Variants in BBS9 observed in about 807,000 individuals in gnomAD.
BBS9 encodes protein PTHB1.
Under a neutral mutation model 117.7 loss-of-function variants are expected in BBS9, and 89 were observed. That is an observed-to-expected ratio of 0.76 (90% CI 0.64 to 0.90). BBS9 has a LOEUF of 0.90. Ranked by LOEUF, BBS9 falls within the 40% of genes least tolerant of loss-of-function variation. The pLI, the probability that BBS9 is intolerant of heterozygous loss-of-function variation, is 0.00. For synonymous variants in BBS9, 379 were observed against 370.9 expected (o/e 1.02, Z -0.25); for missense variants, 982 against 1,042.2 (o/e 0.94, Z 0.80).
At chr7:33,195,308 T>C (rs1784766924) in intron 5 of BBS9, among the ~76,000 whole-genome samples, 1 of 152,138 alleles carries the variant, frequency 6.6e-6, no homozygotes, top group Non-Finnish European at 1.5e-5. Context: ...TTTGGGGTTA[T>C]TTTTTTAGAA....
chr7:33,264,266 AT>A lies in BBS9; in HGVS notation c.618-18del, dbSNP rs751321641. The stretch of plus-strand genomic sequence containing the variant: ...ATTTTTAATTATAAACTCATTTATA[AT>A]TTTTTAAATTTCTTTCATACAGGTA... On this transcript the variant is annotated intron_variant, in intron 6 of 22. Transcript: ENST00000242067. 6.9e-6 allele frequency: 9 copies of A among 1,301,956 alleles called. No homozygotes were observed. In the African/African-American group the frequency reaches 1.1e-4, roughly 15 times the overall value. 80.7% of individuals were successfully genotyped at this position (1,301,956 alleles called of 1,614,324 possible).
At position 33,533,673 on chromosome 7, in the gene BBS9, A is replaced by G. The variant is rs543999945; in HGVS notation, c.2299-281A>G. 2.2e-4 allele frequency: 105 copies of G among 484,978 alleles called. 1 individual carries two copies. Among genetic ancestry groups the G allele is most frequent in the Non-Finnish European group, 3.5e-4 (93 of 265,736 alleles). 30.0% of individuals were successfully genotyped at this position (484,978 alleles called of 1,614,324 possible). A position where few individuals can be genotyped will look rare whatever the true frequency, so the allele number is the denominator to read the frequency against. On this transcript the variant is annotated intron_variant, in intron 20 of 22. Transcript: ENST00000242067. Reference sequence around the variant, plus strand: ...ATTACTCTATGCCTGGCTCAGAGCTAAACCCTTCTCATAGATCTCCAACCC... The same window carrying G: ...ATTACTCTATGCCTGGCTCAGAGCTGAACCCTTCTCATAGATCTCCAACCC...
At chr7:33,420,556 G>T (rs933740874) in intron 19 of BBS9, among the ~76,000 whole-genome samples, 2 of 152,092 alleles carry the variant, frequency 1.3e-5, no homozygotes, top group African/African-American at 4.8e-5. Context: ...AGGTGCTTTG[G>T]TTCTGTGGCC....
At chr7:33,495,861 CTA>C (rs1330604748) in intron 19 of BBS9, among the ~76,000 whole-genome samples, 1 of 152,094 alleles carries the variant, frequency 6.6e-6, no homozygotes, top group African/African-American at 2.4e-5. Context: ...AAATTTGTCT[CTA>C]TGTCACTAAT....
intron 5 of BBS9, among the ~76,000 whole-genome samples, chr7:33,225,617 C>T (rs1377301323): frequency 2.6e-5 from 4 of 151,718 alleles, no homozygotes; most frequent in African/African-American, 9.7e-5. Context: ...TTTCTTGCTT[C>T]GTATTATGAG....
chr7:33,543,605 GGT>G (rs1181036173), intron 21 of BBS9, among the ~76,000 whole-genome samples: 1 of 152,118 alleles, frequency 6.6e-6, no homozygotes, highest in African/African-American at 2.4e-5. Flanking sequence ...TAGGTTACCT[GGT>G]GTTTCTGTCT....
chr7:33,415,063 A>G (rs1831766448), intron 19 of BBS9, among the ~76,000 whole-genome samples: 3 of 152,182 alleles, frequency 2.0e-5, no homozygotes, highest in Non-Finnish European at 2.9e-5. Flanking sequence ...TAGAGGCTCT[A>G]CTGAATTCCT....
rs1034103576 is a variant in BBS9, at chr7:33,623,764, C to T, written c.2522-11413C>T. On this transcript the variant is annotated intron_variant, in intron 21 of 21. Coordinates refer to the BBS9 transcript ENST00000671952. ...AGCAAATTATAGAATGTATATATTA[C>T]GATTCTGTTTATGAAAGTCTGAAAT... Among the ~76,000 whole-genome samples the T allele has an allele frequency of 9.2e-5, 14 of 152,156 alleles. No individual in the cohort carries two copies. In the East Asian group the frequency reaches 1.7e-3, roughly 19 times the overall value.
At chr7:33,204,854 T>A (rs1003251855) in intron 5 of BBS9, among the ~76,000 whole-genome samples, 2 of 152,214 alleles carry the variant, frequency 1.3e-5, no homozygotes, top group Non-Finnish European at 2.9e-5. Context: ...AGGCTGACAT[T>A]GATAATCATA....
At chr7:33,377,439 G>C (rs1010375607) in intron 17 of BBS9, among the ~76,000 whole-genome samples, 1 of 152,192 alleles carries the variant, frequency 6.6e-6, no homozygotes, top group Non-Finnish European at 1.5e-5. Context: ...AGTATAGTCT[G>C]AAGTAGGGCA....
Position 33,336,539 on chromosome 7 carries a change from A to T in BBS9, c.1115A>T (p.Gln372Leu). 1.9e-6 allele frequency: 3 copies of T among 1,613,504 alleles called. No individual in the cohort carries two copies. Among genetic ancestry groups the T allele is most frequent in the Non-Finnish European group, 2.5e-6 (3 of 1,179,612 alleles). The change falls in exon 10 of 23, where the codon CAA (glutamine) becomes CTA (leucine). Residue 372 changes from glutamine (Q) to leucine (L), a missense_variant. Physicochemically the swap from Gln to Leu is moderately radical, Grantham distance 113. Coordinates refer to ENST00000242067, the MANE Select transcript of BBS9 (RefSeq NM_198428.3). ...DPSLFQAPNV[Q>L]SRELNYDELD... ...TCTCTGTTCCAAGCTCCAAACGTTCAATCTCGAGAACTAAACTATGATGAA... is the reference window on the plus strand; with the variant it reads ...TCTCTGTTCCAAGCTCCAAACGTTCTATCTCGAGAACTAAACTATGATGAA...
At chr7:33,489,093 A>G (rs1443546638) in intron 19 of BBS9, among the ~76,000 whole-genome samples, 3 of 150,354 alleles carry the variant, frequency 2.0e-5, no homozygotes, top group African/African-American at 4.9e-5. Context: ...CCTGGATTCA[A>G]GCAATTCTCC....
chr7:33,226,763 T>C (rs1392704419), intron 5 of BBS9, among the ~76,000 whole-genome samples: 2 of 152,188 alleles, frequency 1.3e-5, no homozygotes, highest in Admixed American at 6.5e-5. Flanking sequence ...GGAGATATTA[T>C]GTTAAGTGAA....
At chr7:33,605,133 T>G in intron 22 of BBS9, 62 bp from the exon 23 acceptor site, 6 of 1,535,580 alleles carry the variant, frequency 3.9e-6, no homozygotes, top group Non-Finnish European at 5.4e-6. Flanking sequence ...TGATCCTTTG[T>G]GTATTCCTGT....
chr7:33,615,278 T>C (rs1023249010), intron 21 of BBS9, among the ~76,000 whole-genome samples: 3 of 152,030 alleles, frequency 2.0e-5, no homozygotes, highest in South Asian at 2.1e-4. Context: ...GAGTCAGATA[T>C]GGCATGATTG....
chr7:33,493,494 C>T (rs988986468), intron 19 of BBS9, among the ~76,000 whole-genome samples: 5 of 152,150 alleles, frequency 3.3e-5, no homozygotes, highest in Admixed American at 1.3e-4. Flanking sequence ...AACCTCTCTC[C>T]CTGATTCTAA....
At chr7:33,217,869 A>G (rs1789380878) in intron 5 of BBS9, among the ~76,000 whole-genome samples, 1 of 152,212 alleles carries the variant, frequency 6.6e-6, no homozygotes, top group Non-Finnish European at 1.5e-5. Context: ...TTTCTGGCTG[A>G]GCTTTTGGAA....
In BBS9 at chr7:33,346,136, A is replaced by G. The variant is rs374705384; in HGVS notation, c.1329+1502A>G. 1.4e-3 allele frequency: 503 copies of G among 355,010 alleles called. 8 individuals are homozygous for G. Among genetic ancestry groups the G allele is most frequent in the South Asian group, 0.012 (487 of 41,334 alleles). The allele number at this position is 355,010 out of a possible 1,614,324, so 22.0% of individuals were successfully genotyped here. A position where few individuals can be genotyped will look rare whatever the true frequency, so the allele number is the denominator to read the frequency against. On this transcript the variant is annotated intron_variant, in intron 12 of 22. Coordinates refer to ENST00000242067, the MANE Select transcript of BBS9 (RefSeq NM_198428.3). ...GGTGCAGAAAATTGGTGGGACTCAC[A>G]CAGCAGACACAATGTCTTCCTGATC... is the stretch of plus-strand genomic sequence containing the variant.
Position 33,293,932 on chromosome 7 carries a change from G to C in BBS9, c.1016+19976G>C, listed in dbSNP as rs569882261. 1.3e-3 allele frequency among the ~76,000 whole-genome samples: 196 copies of C among 152,074 alleles called. 1 individual carries two copies. The highest frequency in any genetic ancestry group is 4.5e-3 in the African/African-American group (187 of 41,476). On this transcript the variant is annotated intron_variant, in intron 9 of 22. Coordinates refer to ENST00000242067, the MANE Select transcript of BBS9 (RefSeq NM_198428.3). ...AGTGTAGGTTTTAGTGTGACTCCTA[G>C]AAATATTTTTATGTTACTTCATTTC...
Sources: allele counts gnomAD v4.1 joint callset (sites outside exome capture counted in the v4.1 genomes callset), GRCh38; gene constraint gnomAD v4.1.1; transcripts MANE v1.5; gene names NCBI Gene and HGNC (gene_info 2026-07-23, HGNC 2026-07-21).